The following TEKT3 variants were observed in gnomAD, a reference collection of about 807,000 sequenced individuals.
TEKT3 encodes the protein tektin 3.
In TEKT3, 49 loss-of-function variants were observed where a neutral mutation model predicts 49.8. The observed-to-expected ratio is 0.98, with a 90% CI of 0.78 to 1.25. The LOEUF (loss-of-function observed/expected upper bound fraction) is 1.25. TEKT3 is among the 50% of genes most tolerant of loss of function. The pLI is 0.00. For missense variants in TEKT3, 595 were observed against 629.5 expected (o/e 0.95, Z 0.59); for synonymous variants, 225 against 237.2 (o/e 0.95, Z 0.47).
intron 4 of TEKT3, among the ~76,000 whole-genome samples, chr17:15,322,896 A>T (rs427476): frequency 0.16 from 24,285 of 152,190 alleles, 2,079 homozygotes; most frequent in African/African-American, 0.22. Flanking sequence ...ATCCTTGAGT[A>T]TAGTGAGCAG....
chr17:15,323,074 G>A (rs1432923431), intron 4 of TEKT3, among the ~76,000 whole-genome samples: 2 of 152,140 alleles, frequency 1.3e-5, no homozygotes, highest in African/African-American at 4.8e-5. Context: ...TTATTGCTGG[G>A]GGTGAGAGCC....
intron 5 of TEKT3, 142 bp from the exon 6 acceptor site, chr17:15,314,372 G>T: frequency 8.7e-7 from 1 of 1,148,058 alleles, no homozygotes; most frequent in Non-Finnish European, 1.3e-6. Flanking sequence ...CAATTTCTCA[G>T]TCAAAACGAG....
At chr17:15,318,518 T>C (rs1356880283) in intron 5 of TEKT3, among the ~76,000 whole-genome samples, 2 of 152,092 alleles carry the variant, frequency 1.3e-5, no homozygotes, top group African/African-American at 2.4e-5. Flanking sequence ...CAGCAAGTAC[T>C]CCATGTACTT....
chr17:15,310,666 A>G (rs1910730593), intron 7 of TEKT3, among the ~76,000 whole-genome samples: 1 of 152,100 alleles, frequency 6.6e-6, no homozygotes, highest in Non-Finnish European at 1.5e-5. Flanking sequence ...ATTGATTTCT[A>G]TTGTGGAAAT....
At chr17:15,317,991 C>G in intron 5 of TEKT3, among the ~76,000 whole-genome samples, 1 of 98,130 alleles carries the variant, frequency 1.0e-5, no homozygotes, top group South Asian at 3.4e-4. Context: ...TTTTTTTTTT[C>G]TTTTTTTTTT....
intron 8 of TEKT3, among the ~76,000 whole-genome samples, chr17:15,308,311 GT>G (rs1161697545): frequency 6.6e-6 from 1 of 152,202 alleles, no homozygotes; most frequent in Non-Finnish European, 1.5e-5. Context: ...CCCCGAATGA[GT>G]TAAAGGCTTA....
Position 15,327,974 on chromosome 17 carries a change from C to T in TEKT3, c.663+18G>A. 1 of 1,607,818 alleles carries T rather than the reference C, an allele frequency of 6.2e-7. No homozygotes were observed. Among genetic ancestry groups the T allele is most frequent in the East Asian group, 2.2e-5 (1 of 44,832 alleles). ...ACAACTAAGCTGCCTGTGACTGATG[C>T]ATTTCCCCCACATTTACCGTCAGCA... On this transcript the variant is annotated intron_variant, in intron 4 of 8. Transcript: ENST00000395930.
At chr17:15,328,332 C>A (rs1597415791) in intron 3 of TEKT3, among the ~76,000 whole-genome samples, 1 of 152,122 alleles carries the variant, frequency 6.6e-6, no homozygotes, top group African/African-American at 2.4e-5. Flanking sequence ...AAGTAGATGG[C>A]ATTTACTTGA....
Position 15,304,170 on chromosome 17 carries a change from C to G in TEKT3, c.1257-18G>C. 6.2e-7 allele frequency: 1 copy of G among 1,613,810 alleles called. No individual in the cohort carries two copies. The highest frequency in any genetic ancestry group is 8.5e-7 in the Non-Finnish European group (1 of 1,179,768). On this transcript the variant is annotated intron_variant, in intron 8 of 8. Transcript: ENST00000395930. The surrounding 1 kb of genome is among the most constrained non-coding windows in gnomAD (Gnocchi z 4.7). ...TAACAAGGCTGCAGCATAAAGGAAT[C>G]AGCATGGTTAGGTCAGCATGTAGCT...
At chr17:15,321,860 T>C (rs1408635651) in intron 4 of TEKT3, among the ~76,000 whole-genome samples, 1 of 152,206 alleles carries the variant, frequency 6.6e-6, no homozygotes, top group Admixed American at 6.5e-5. Context: ...ATCCTACTAT[T>C]TGAGCGGCTG....
At chr17:15,308,286 A>C (rs1005459697) in intron 8 of TEKT3, among the ~76,000 whole-genome samples, 1 of 152,186 alleles carries the variant, frequency 6.6e-6, no homozygotes, top group Non-Finnish European at 1.5e-5. Context: ...AAGAACCCGA[A>C]CACCACACTG....
chr17:15,306,294 C>T (rs1910551175), intron 8 of TEKT3, among the ~76,000 whole-genome samples: 1 of 151,948 alleles, frequency 6.6e-6, no homozygotes, highest in Admixed American at 6.6e-5. Context: ...TTCTCAGTCC[C>T]CACTCCCCTT....
chr17:15,330,378 G>A (rs1281139272), intron 3 of TEKT3, among the ~76,000 whole-genome samples: 1 of 152,138 alleles, frequency 6.6e-6, no homozygotes, highest in Non-Finnish European at 1.5e-5. Context: ...CCTGGTGGGA[G>A]GTGATTGGAT....
At chr17:15,315,009 C>T (rs1236145534) in intron 5 of TEKT3, among the ~76,000 whole-genome samples, 1 of 152,156 alleles carries the variant, frequency 6.6e-6, no homozygotes, top group African/African-American at 2.4e-5. Flanking sequence ...AGGTGAGCCA[C>T]ATGGAATACT....
At chr17:15,334,974 T>C (rs1377236306) in intron 2 of TEKT3, among the ~76,000 whole-genome samples, 1 of 152,166 alleles carries the variant, frequency 6.6e-6, no homozygotes. Flanking sequence ...CTCTTATATC[T>C]AAAAATCTAG....
intron 4 of TEKT3, among the ~76,000 whole-genome samples, chr17:15,321,883 A>G (rs941141533): frequency 6.6e-6 from 1 of 152,214 alleles, no homozygotes; most frequent in Non-Finnish European, 1.5e-5. Flanking sequence ...ATGTTCATGA[A>G]GCATCTGTCG....
chr17:15,322,982 C>G (rs1279934895), intron 4 of TEKT3, among the ~76,000 whole-genome samples: 1 of 152,174 alleles, frequency 6.6e-6, no homozygotes, highest in African/African-American at 2.4e-5. Flanking sequence ...CATCAGCTAC[C>G]CTTTCTGGCA....
chr17:15,313,662 C>G (rs1910864342), intron 6 of TEKT3, among the ~76,000 whole-genome samples: 1 of 152,076 alleles, frequency 6.6e-6, no homozygotes, highest in African/African-American at 2.4e-5. Context: ...GCACCCACCA[C>G]CATGCCTGGC....
chr17:15,327,318 C>T (rs1364845359), intron 4 of TEKT3, among the ~76,000 whole-genome samples: 1 of 151,916 alleles, frequency 6.6e-6, no homozygotes, highest in Non-Finnish European at 1.5e-5. Context: ...GAGTTCAAGA[C>T]CAGCCTGGCC....
Sources: gnomAD v4.1 joint callset for allele counts (sites outside exome capture counted in the v4.1 genomes callset) on GRCh38, gnomAD v4.1.1 for gene constraint, Gnocchi (gnomAD v3.1) non-coding constraint, MANE v1.5 for transcripts, NCBI Gene and HGNC (gene_info 2026-07-23, HGNC 2026-07-21) for gene names.